Variants in ANO10 observed in about 807,000 individuals in gnomAD.
ANO10 encodes the protein anoctamin 10.
In ANO10, 77 loss-of-function variants were observed where a neutral mutation model predicts 74.7. The ratio of observed to expected loss-of-function variants is 1.03; its 90% CI spans 0.86 to 1.25. The LOEUF (loss-of-function observed/expected upper bound fraction) is 1.25, where lower values mean the gene tolerates loss of function less well. ANO10 is among the 50% of genes most tolerant of loss of function. ANO10 has a pLI of 0.00. For missense variants in ANO10, 721 were observed against 778.1 expected (o/e 0.93, Z 0.87); for synonymous variants, 279 against 284.9 (o/e 0.98, Z 0.21).
At chr3:43,392,236 A>C (rs903231360) in intron 12 of ANO10, among the ~76,000 whole-genome samples, 1 of 148,496 alleles carries the variant, frequency 6.7e-6, no homozygotes, top group Non-Finnish European at 1.5e-5. Flanking sequence ...GTATAAAAAT[A>C]CTGTGAAAAA....
chr3:43,509,986 T>C (rs1297902078), intron 11 of ANO10, among the ~76,000 whole-genome samples: 1 of 152,156 alleles, frequency 6.6e-6, no homozygotes, highest in Non-Finnish European at 1.5e-5. Context: ...ATAACATTTT[T>C]GAGAGACAAA....
intron 11 of ANO10, among the ~76,000 whole-genome samples, chr3:43,455,886 T>C (rs967328508): frequency 1.3e-5 from 2 of 152,218 alleles, no homozygotes; most frequent in Non-Finnish European, 2.9e-5. Context: ...ACGCAGTATT[T>C]ACTTGTTAGA....
At chr3:43,578,624 C>A (rs1177334958) in intron 5 of ANO10, among the ~76,000 whole-genome samples, 1 of 152,000 alleles carries the variant, frequency 6.6e-6, no homozygotes, top group Non-Finnish European at 1.5e-5. Context: ...GTGGTGTGTA[C>A]CTGTAGTCCC....
chr3:43,537,477 G>C (rs1469623058), intron 11 of ANO10, among the ~76,000 whole-genome samples: 1 of 151,890 alleles, frequency 6.6e-6, no homozygotes, highest in East Asian at 1.9e-4. Context: ...CCTAAAAATG[G>C]TCACAGCTGG....
At chr3:43,637,428 C>T (rs1285179366) in intron 1 of ANO10, among the ~76,000 whole-genome samples, 2 of 151,964 alleles carry the variant, frequency 1.3e-5, no homozygotes, top group Non-Finnish European at 2.9e-5. Flanking sequence ...GAGATGGCGC[C>T]ACTGCACTCC....
At chr3:43,664,517 CA>C (rs1342666659) in intron 1 of ANO10, among the ~76,000 whole-genome samples, 4 of 152,100 alleles carry the variant, frequency 2.6e-5, no homozygotes, top group African/African-American at 9.7e-5. Flanking sequence ...CAACAAAGGC[CA>C]AAATTGACAA....
intron 1 of ANO10, among the ~76,000 whole-genome samples, chr3:43,658,484 T>A (rs1017332816): frequency 5.9e-5 from 9 of 151,270 alleles, no homozygotes; most frequent in East Asian, 5.8e-4. Context: ...TATTATTATT[T>A]TTTGAGATGG....
At chr3:43,499,870 C>T (rs891162235) in intron 11 of ANO10, among the ~76,000 whole-genome samples, 1 of 150,144 alleles carries the variant, frequency 6.7e-6, no homozygotes, top group African/African-American at 2.5e-5. Flanking sequence ...CTCACTCTAT[C>T]GCCCATGCTG....
chr3:43,366,634 C>A lies in ANO10; in HGVS notation c.*272G>T. The A allele has an allele frequency of 1.8e-6, 1 of 541,270 alleles. No individual in the cohort carries two copies. The highest frequency in any genetic ancestry group is 3.3e-6 in the Non-Finnish European group (1 of 299,864). The allele number at this position is 541,270 out of a possible 1,614,324, so 33.5% of individuals were successfully genotyped here. On this transcript the variant is annotated 3_prime_UTR_variant, in exon 13 of 13. Coordinates refer to ENST00000292246, the MANE Select transcript of ANO10 (RefSeq NM_018075.5). The stretch of plus-strand genomic sequence containing the variant: ...AGGCTCAAGGGCGGCAGTGGCTCTG[C>A]AGCAAAGTTGGCAGCTGGAGCAGCG...
At chr3:43,489,566 AG>A (rs2076638621) in intron 11 of ANO10, among the ~76,000 whole-genome samples, 1 of 152,078 alleles carries the variant, frequency 6.6e-6, no homozygotes, top group Admixed American at 6.5e-5. Flanking sequence ...CTTGGCCCTT[AG>A]GGTGACCAGT....
At chr3:43,646,008 A>G (rs1051820387) in intron 1 of ANO10, among the ~76,000 whole-genome samples, 3 of 152,058 alleles carry the variant, frequency 2.0e-5, no homozygotes, top group African/African-American at 7.2e-5. Context: ...GGGTTTTGCC[A>G]TGTTGCCCAG....
chr3:43,462,270 C>T lies in ANO10; in HGVS notation c.1798-29543G>A, dbSNP rs1020603258. Among the ~76,000 whole-genome samples, 4 of 152,320 alleles carry T rather than the reference C, an allele frequency of 2.6e-5. No individual in the cohort carries two copies. The South Asian group carries it at 8.3e-4, about 32-fold the overall frequency. ...TCGAGAGAGAGGTTTGCTCTTGTCA[C>T]CCAGGCTGGAGTGCAACGGTACGAT... On this transcript the variant is annotated intron_variant, in intron 11 of 12. Transcript: ENST00000292246.
At chr3:43,675,212 T>C (rs1044043920) in intron 1 of ANO10, among the ~76,000 whole-genome samples, 13 of 152,122 alleles carry the variant, frequency 8.5e-5, no homozygotes. Context: ...AACATCTCAC[T>C]TCCATAAAAA....
At chr3:43,552,490 G>C (rs984302226) in intron 10 of ANO10, among the ~76,000 whole-genome samples, 2 of 151,880 alleles carry the variant, frequency 1.3e-5, no homozygotes, top group Non-Finnish European at 2.9e-5. Context: ...AATAAGAGAA[G>C]AAAAGTCTAT....
chr3:43,377,578 C>T (rs1443415749), intron 12 of ANO10, among the ~76,000 whole-genome samples: 1 of 152,168 alleles, frequency 6.6e-6, no homozygotes, highest in Non-Finnish European at 1.5e-5. Flanking sequence ...GAGATAAGAC[C>T]CAGAGAGGTC....
chr3:43,566,093 G>T (rs1454553777), intron 7 of ANO10, among the ~76,000 whole-genome samples: 1 of 152,126 alleles, frequency 6.6e-6, no homozygotes, highest in African/African-American at 2.4e-5. Context: ...CTGGAAAATC[G>T]GGTCACTCCC....
At chr3:43,618,153 T>C (rs544701467) in intron 1 of ANO10, 1 of 152,268 alleles carries the variant, frequency 6.6e-6, no homozygotes, top group African/African-American at 2.4e-5. Context: ...CACCCATCCT[T>C]ACTATAACAG....
chr3:43,501,847 A>G (rs941031814), intron 11 of ANO10, among the ~76,000 whole-genome samples: 4 of 152,200 alleles, frequency 2.6e-5, no homozygotes, highest in Non-Finnish European at 5.9e-5. Flanking sequence ...CCAAGGAGCT[A>G]TCAAAATGAT....
chr3:43,654,533 A>C (rs910185030), intron 1 of ANO10, among the ~76,000 whole-genome samples: 2 of 152,234 alleles, frequency 1.3e-5, no homozygotes, highest in African/African-American at 4.8e-5. Context: ...AATGCTTCTC[A>C]TTAAAGAGCA....
Sources: allele counts gnomAD v4.1 joint callset (sites outside exome capture counted in the v4.1 genomes callset), GRCh38; gene constraint gnomAD v4.1.1; transcripts MANE v1.5; gene names NCBI Gene and HGNC (gene_info 2026-07-23, HGNC 2026-07-21).